FBF1: variants seen among roughly 807,000 people sequenced by gnomAD.
FBF1 encodes Fas binding factor 1.
A neutral mutation model predicts 147.2 loss-of-function variants in FBF1; 119 were observed. That is an observed-to-expected ratio of 0.81 (90% CI 0.70 to 0.94). FBF1 has a LOEUF of 0.94. Ranked by LOEUF, FBF1 falls within the 40% of genes least tolerant of loss-of-function variation. FBF1 has a pLI of 0.00. For missense variants in FBF1, 1,449 were observed against 1,500.8 expected (o/e 0.97, Z 0.57); for synonymous variants, 601 against 609.0 (o/e 0.99, Z 0.19).
intron 5 of FBF1, among the ~76,000 whole-genome samples, chr17:75,932,160 C>A (rs993511286): frequency 1.3e-5 from 2 of 152,160 alleles, no homozygotes; most frequent in Non-Finnish European, 2.9e-5. Context: ...GTGGGCAGAT[C>A]ACCTGAGATC....
intron 9 of FBF1, 104 bp downstream of exon 9, chr17:75,927,351 C>A: frequency 1.1e-6 from 1 of 894,140 alleles, no homozygotes; most frequent in South Asian, 1.6e-5. Flanking sequence ...CCAGTGGCAC[C>A]CATGTGACAT....
intron 28 of FBF1, 82 bp downstream of exon 28, chr17:75,913,620 C>T (rs1276805998): frequency 9.9e-6 from 11 of 1,108,200 alleles, no homozygotes; most frequent in African/African-American, 3.2e-5. Context: ...TTAACTGGAG[C>T]GGCTGGAGGA....
In FBF1 at chr17:75,926,388, G is replaced by A. The variant is rs779140791; in HGVS notation, c.634C>T (p.Arg212Ter). ...TCAAACAACAATTCTTCTTTTTTTC[G>A]GATGGGGGTGTCCCCAGGAGTTAGA... is the stretch of plus-strand genomic sequence containing the variant. ...IPLTPGDTPI[R>*]KKEELLFDDG... The change falls in exon 11 of 30, where the codon CGA (arginine) becomes TGA (stop). Residue 212 changes from arginine to a stop codon, truncating the protein, a stop_gained. Transcript: ENST00000636174. LOFTEE classifies it high-confidence loss of function. 12 of 1,601,330 alleles carry A rather than the reference G, an allele frequency of 7.5e-6. No homozygotes were observed. The highest frequency in any genetic ancestry group is 2.7e-5 in the African/African-American group (2 of 74,642).
rs745889329 is a variant in FBF1, at chr17:75,926,395, G to C, written c.627C>G (p.Thr209=). Residue 209 remains threonine (T), a synonymous_variant, in exon 11 of 30, where the codon ACC becomes ACG. Transcript: ENST00000636174. ...ACAATTCTTCTTTTTTTCGGATGGGGGTGTCCCCAGGAGTTAGAGGAATAG... is the reference window on the plus strand; with the variant it reads ...ACAATTCTTCTTTTTTTCGGATGGGCGTGTCCCCAGGAGTTAGAGGAATAG... The part of the protein sequence containing the change: ...GPSIPLTPGD[T]PIRKKEELLF... The C allele has an allele frequency of 1.3e-6, 2 of 1,597,398 alleles. No individual in the cohort carries two copies. The highest frequency in any genetic ancestry group is 3.5e-5 in the Admixed American group (2 of 57,610).
At chr17:75,916,816 C>T (rs575621394) in intron 23 of FBF1, among the ~76,000 whole-genome samples, 1 of 152,320 alleles carries the variant, frequency 6.6e-6, no homozygotes, top group African/African-American at 2.4e-5. Context: ...GTGTGCACCA[C>T]CACACCCAGT....
intron 9 of FBF1, among the ~76,000 whole-genome samples, 181 bp downstream of exon 9, chr17:75,927,274 A>C (rs545461175): frequency 6.6e-6 from 1 of 152,226 alleles, no homozygotes; most frequent in South Asian, 2.1e-4. Context: ...GTCTTTGCAA[A>C]TAAGTTCCCT....
intron 7 of FBF1, 50 bp downstream of exon 7, chr17:75,929,947 C>CCA: frequency 7.8e-6 from 3 of 382,496 alleles, no homozygotes; most frequent in Non-Finnish European, 1.6e-5. Flanking sequence ...ATATCATGAC[C>CCA]CCACCCCACC....
chr17:75,909,726 G>T lies in FBF1; in HGVS notation c.*997C>A. 1.7e-6 allele frequency: 1 copy of T among 591,746 alleles called. No individual in the cohort carries two copies. The highest frequency in any genetic ancestry group is 3.0e-6 in the Non-Finnish European group (1 of 330,322). The allele number at this position is 591,746 out of a possible 1,614,324, so 36.7% of individuals were successfully genotyped here. On this transcript the variant is annotated 3_prime_UTR_variant, in exon 30 of 30. Coordinates refer to ENST00000636174, the MANE Select transcript of FBF1 (RefSeq NM_001319193.2). ...AGGGGAGAGGCACGTGGCCAGAGGC[G>T]CCTGGTCCTGACCAATCTTATAGGC...
rs564283872 is a variant in FBF1, at chr17:75,919,745, C to T, written c.2061G>A (p.Thr687=). The T allele has an allele frequency of 6.8e-6, 11 of 1,613,388 alleles. No homozygotes were observed. Among genetic ancestry groups the T allele is most frequent in the Middle Eastern group, 1.7e-4 (1 of 6,054 alleles). ...QEAEQARAEL[T]AQHQRRLAAI... ...CCGCCAAGCGCCGCTGGTGCTGGGCCGTAAGCTCAGCACGGGCCTGTTCGG... is the reference window on the plus strand; with the variant it reads ...CCGCCAAGCGCCGCTGGTGCTGGGCTGTAAGCTCAGCACGGGCCTGTTCGG... Residue 687 remains threonine (T), a synonymous_variant, in exon 20 of 30, where the codon ACG becomes ACA. Coordinates refer to ENST00000636174, the MANE Select transcript of FBF1 (RefSeq NM_001319193.2). This position sits in a 1 kb window ranked among gnomAD's most constrained non-coding sequence, Gnocchi z 5.0.
At chr17:75,911,472 A>C (rs946555034) in intron 29 of FBF1, among the ~76,000 whole-genome samples, 1 of 152,108 alleles carries the variant, frequency 6.6e-6, no homozygotes, top group African/African-American at 2.4e-5. Flanking sequence ...TCAGCCTCCC[A>C]AGTAGCTGGG....
Position 75,910,960 on chromosome 17 carries a change from C to T in FBF1, c.3364-154G>A, listed in dbSNP as rs2065453658. On this transcript the variant is annotated intron_variant, in intron 29 of 29. Coordinates refer to ENST00000636174, the MANE Select transcript of FBF1 (RefSeq NM_001319193.2). The surrounding 1 kb of genome is among the most constrained non-coding windows in gnomAD (Gnocchi z 4.1). ...GAGTCAGCAGGGGCCATGAAAGAGC[C>T]CAGGTATGGAGTGAGACAGACCACA... Among the ~76,000 whole-genome samples, 1 of 152,124 alleles carries T rather than the reference C, an allele frequency of 6.6e-6. No individual in the cohort carries two copies. Among genetic ancestry groups the T allele is most frequent in the African/African-American group, 2.4e-5 (1 of 41,414 alleles).
At chr17:75,932,927 G>A (rs1053007161) in intron 5 of FBF1, 68 bp downstream of exon 5, 1 of 1,056,904 alleles carries the variant, frequency 9.5e-7, no homozygotes, top group African/African-American at 1.6e-5. Flanking sequence ...TAGAAAGTGG[G>A]GGGTGGAGGG....
chr17:75,920,446 G>A lies in FBF1; in HGVS notation c.1675-17C>T. 1 of 1,595,602 alleles carries A rather than the reference G, an allele frequency of 6.3e-7. No individual in the cohort carries two copies. Among genetic ancestry groups the A allele is most frequent in the Non-Finnish European group, 8.5e-7 (1 of 1,170,892 alleles). ...GAGCAGGGGCTGGAGGAGAGGAAGAGAGGTGTTTCTAGTTAGGGAGGGGAC... is the reference window on the plus strand; with the variant it reads ...GAGCAGGGGCTGGAGGAGAGGAAGAAAGGTGTTTCTAGTTAGGGAGGGGAC... On this transcript the variant is annotated splice_polypyrimidine_tract_variant and intron_variant, in intron 17 of 29. Transcript: ENST00000636174.
At chr17:75,911,343 A>G (rs1009598598) in intron 29 of FBF1, among the ~76,000 whole-genome samples, 1 of 152,112 alleles carries the variant, frequency 6.6e-6, no homozygotes, top group Non-Finnish European at 1.5e-5. Context: ...AACTGTTATC[A>G]TTATAGTTTT....
chr17:75,917,737 C>T lies in FBF1; in HGVS notation c.2500G>A (p.Glu834Lys). The T allele has an allele frequency of 6.3e-7, 1 of 1,588,610 alleles. No individual in the cohort carries two copies. Among genetic ancestry groups the T allele is most frequent in the African/African-American group, 1.3e-5 (1 of 74,414 alleles). ...GCCAGGAGGACGGGCCTCACCTGCT[C>T]CAGCAGCCGGCTCTGCTCATTCAGC... ...ARLNEQSRLL[E>K]QERWRVTAEQ... The change falls in exon 23 of 30, where the codon GAG becomes AAG. Residue 834 changes from glutamate to lysine, a missense_variant. Physicochemically the swap from Glu to Lys is moderately conservative, Grantham distance 56. Coordinates refer to ENST00000636174, the MANE Select transcript of FBF1 (RefSeq NM_001319193.2).
At chr17:75,914,471 G>T in intron 25 of FBF1, 173 bp from the exon 26 acceptor site, 1 of 1,039,294 alleles carries the variant, frequency 9.6e-7, no homozygotes, top group Non-Finnish European at 1.3e-6. Flanking sequence ...GCCCTCACAA[G>T]CCACGTGACT....
intron 7 of FBF1, 52 bp downstream of exon 7, chr17:75,929,945 A>AGGGGCCCCCCCCCCCCCC: frequency 3.1e-6 from 2 of 650,866 alleles, no homozygotes; most frequent in Non-Finnish European, 5.6e-6. Context: ...AAATATCATG[A>AGGGGCCCCCCCCCCCCCC]CCCCACCCCA....
At chr17:75,927,336 G>A in intron 9 of FBF1, 119 bp downstream of exon 9, 1 of 779,540 alleles carries the variant, frequency 1.3e-6, no homozygotes, top group Non-Finnish European at 2.1e-6. Context: ...TCACGAGGAA[G>A]TAAACCAGTG....
At chr17:75,921,750 G>C (rs549446967) in intron 15 of FBF1, among the ~76,000 whole-genome samples, 190 bp from the exon 16 acceptor site, 244 of 144,502 alleles carry the variant, frequency 1.7e-3, no homozygotes, top group Admixed American at 2.6e-3. Flanking sequence ...GCAGCCTCTA[G>C]GTGGGACACG....
Sources: gnomAD v4.1 joint callset for allele counts (sites outside exome capture counted in the v4.1 genomes callset) on GRCh38, gnomAD v4.1.1 for gene constraint, Gnocchi (gnomAD v3.1) non-coding constraint, MANE v1.5 for transcripts, NCBI Gene and HGNC (gene_info 2026-07-23, HGNC 2026-07-21) for gene names.